Variants in COL14A1 observed in about 807,000 individuals in gnomAD.
COL14A1 encodes collagen alpha-1(XIV) chain.
COL14A1 carries 136 observed loss-of-function variants against 230.3 expected under a neutral mutation model. The ratio of observed to expected loss-of-function variants is 0.59; its 90% confidence interval spans 0.51 to 0.68. The LOEUF (loss-of-function observed/expected upper bound fraction) is 0.68. Ranked by LOEUF, COL14A1 falls within the 30% of genes least tolerant of loss-of-function variation. The pLI, the probability that COL14A1 is intolerant of heterozygous loss-of-function variation, is 0.00. For synonymous variants in COL14A1, 792 were observed against 784.1 expected, an observed-to-expected ratio of 1.01 and a Z score of -0.17; for missense variants, 1,976 against 2,215.8, an observed-to-expected ratio of 0.89 and a Z score of 2.17.
chr8:120,307,620 A>G (rs553084909), intron 36 of COL14A1, among the ~76,000 whole-genome samples: 61 of 152,352 alleles, frequency 4.0e-4, no homozygotes, highest in African/African-American at 1.3e-3. Flanking sequence ...ATATAAATAG[A>G]CAGTCACAGT....
intron 42 of COL14A1, among the ~76,000 whole-genome samples, chr8:120,334,356 C>T (rs966531485): frequency 4.0e-5 from 6 of 148,160 alleles, no homozygotes; most frequent in African/African-American, 1.5e-4. Context: ...CTTTATACAG[C>T]TGTATCTTTA....
At chr8:120,369,584 G>A in intron 47 of COL14A1, 99 bp downstream of exon 47, 1 of 1,177,924 alleles carries the variant, frequency 8.5e-7, no homozygotes, top group East Asian at 2.8e-5. Context: ...AGTTAAATTG[G>A]TTATGAATGG....
At chr8:120,347,789 G>A (rs1354868628) in intron 45 of COL14A1, among the ~76,000 whole-genome samples, 1 of 152,256 alleles carries the variant, frequency 6.6e-6, no homozygotes, top group Non-Finnish European at 1.5e-5. Context: ...TTTTTCTGCT[G>A]TATAAAATAT....
chr8:120,250,744 CCT>C lies in COL14A1; in HGVS notation c.2731_2732del (p.Leu911AspfsTer20). The C allele has an allele frequency of 6.2e-7, 1 of 1,614,172 alleles. No individual in the cohort carries two copies. Among genetic ancestry groups the C allele is most frequent in the Non-Finnish European group, 8.5e-7 (1 of 1,180,034 alleles). ...CCCAGGCCTCAGGCTTCAGCGACGC[CCT>C]GACAGGCATGGTGAAAACATGTAAG... is the stretch of plus-strand genomic sequence containing the variant. ...ASQASGFSDA[L>X]TGMVKTLFLG... On this transcript the variant is annotated frameshift_variant, in exon 22 of 48. Coordinates refer to ENST00000297848, the MANE Select transcript of COL14A1 (RefSeq NM_021110.4). LOFTEE classifies it high-confidence loss of function.
intron 36 of COL14A1, 131 bp from the exon 37 acceptor site, chr8:120,309,878 G>A (rs1177156727): frequency 1.5e-6 from 1 of 677,406 alleles, no homozygotes; most frequent in Non-Finnish European, 2.3e-6. Flanking sequence ...CATGATGAAT[G>A]TATACTATTA....
Position 120,281,072 on chromosome 8 carries a change from T to G in COL14A1, c.3824+13T>G. 4 of 1,595,474 alleles carry G rather than the reference T, an allele frequency of 2.5e-6. No homozygotes were observed. The highest frequency in any genetic ancestry group is 3.4e-6 in the Non-Finnish European group (4 of 1,174,144). ...CCCAGCCAACCAGGTATGTTTCTGT[T>G]GAAAGATTTTAAAGTCATCGTATGT... On this transcript the variant is annotated intron_variant, in intron 31 of 47. Transcript: ENST00000297848.
intron 1 of COL14A1, among the ~76,000 whole-genome samples, chr8:120,145,302 C>G (rs770174797): frequency 1.3e-5 from 2 of 152,016 alleles, no homozygotes; most frequent in Non-Finnish European, 2.9e-5. Flanking sequence ...GCATTGTGTA[C>G]CTATATTAGA....
chr8:120,205,836 T>C (rs1586764828), intron 9 of COL14A1, among the ~76,000 whole-genome samples: 1 of 152,322 alleles, frequency 6.6e-6, no homozygotes, highest in South Asian at 2.1e-4. Context: ...AAAATTGAGA[T>C]TATTAAAGTC....
At chr8:120,302,449 T>C (rs1391052807) in intron 36 of COL14A1, among the ~76,000 whole-genome samples, 2 of 152,240 alleles carry the variant, frequency 1.3e-5, no homozygotes, top group Non-Finnish European at 2.9e-5. Context: ...AGTTTCAATC[T>C]TCTGCATATG....
intron 46 of COL14A1, 110 bp from the exon 47 acceptor site, chr8:120,369,220 A>AG: frequency 1.8e-6 from 2 of 1,126,872 alleles, no homozygotes; most frequent in South Asian, 2.1e-5. Context: ...AGGTTGTCCT[A>AG]ATTGTCCTAA....
intron 5 of COL14A1, among the ~76,000 whole-genome samples, chr8:120,168,662 C>T (rs1416008817): frequency 6.6e-6 from 1 of 152,164 alleles, no homozygotes; most frequent in Non-Finnish European, 1.5e-5. Context: ...TCTCTATTTC[C>T]TTATCTGCAA....
chr8:120,266,828 A>G lies in COL14A1; in HGVS notation c.3018A>G (p.Gln1006=), dbSNP rs756467894. 2.5e-6 allele frequency: 4 copies of G among 1,611,384 alleles called. No homozygotes were observed. The highest frequency in any genetic ancestry group is 1.7e-5 in the Admixed American group (1 of 59,894). The change falls in exon 25 of 48, where the codon CAA becomes CAG. Residue 1006 remains glutamine, a splice_region_variant and synonymous_variant. Coordinates refer to ENST00000297848, the MANE Select transcript of COL14A1 (RefSeq NM_021110.4). ...GPSVSIMEKT[Q]SLPTRPPTFP... ...GTCCTTTCTCCCTTTCCTTTACAGA[A>G]TCACTTCCTACACGACCACCAACTT... is the stretch of plus-strand genomic sequence containing the variant.
chr8:120,333,006 A>T (rs1421733541), intron 42 of COL14A1, among the ~76,000 whole-genome samples: 1 of 152,244 alleles, frequency 6.6e-6, no homozygotes, highest in Non-Finnish European at 1.5e-5. Flanking sequence ...TATTTGGCTA[A>T]GCAAACTCAA....
At chr8:120,330,885 C>T (rs1329464325) in intron 40 of COL14A1, among the ~76,000 whole-genome samples, 2 of 152,088 alleles carry the variant, frequency 1.3e-5, no homozygotes, top group African/African-American at 4.8e-5. Context: ...GCAGGCAGAT[C>T]ACCTGAGGTT....
chr8:120,227,308 A>G lies in COL14A1; in HGVS notation c.2093A>G (p.Asp698Gly). ...EYEVSLLAVLDDGSESEVVTA... is the reference protein window; with the variant it reads ...EYEVSLLAVLGDGSESEVVTA... ...GAAGTTTCACTATTGGCCGTACTTGATGATGGAAGCGAGAGTGAGGTGGTG... is the reference window on the plus strand; with the variant it reads ...GAAGTTTCACTATTGGCCGTACTTGGTGATGGAAGCGAGAGTGAGGTGGTG... Residue 698 changes from aspartate (D) to glycine (G), a missense_variant, in exon 17 of 48, where the codon GAT becomes GGT. This residue lies in a region of COL14A1 where 1,791 missense variants were observed against 2,019.5 expected (regional missense o/e 0.89). Coordinates refer to ENST00000297848, the MANE Select transcript of COL14A1 (RefSeq NM_021110.4). The G allele has an allele frequency of 6.2e-7, 1 of 1,613,928 alleles. No individual in the cohort carries two copies. Among genetic ancestry groups the G allele is most frequent in the Non-Finnish European group, 8.5e-7 (1 of 1,179,988 alleles).
At chr8:120,360,835 G>GTGGTGCTAGGTGTCCAGACCCCTT (rs1823177813) in intron 45 of COL14A1, among the ~76,000 whole-genome samples, 1 of 152,092 alleles carries the variant, frequency 6.6e-6, no homozygotes, top group Non-Finnish European at 1.5e-5. Context: ...CTTTAGCTTC[G>GTGGTGCTAGGTGTCCAGACCCCTT]TGGTGCTAGG....
In COL14A1 at chr8:120,332,653, C is replaced by A. The variant is rs777422693; in HGVS notation, c.4714-11C>A. On this transcript the variant is annotated splice_polypyrimidine_tract_variant and intron_variant, in intron 41 of 47. Coordinates refer to ENST00000297848, the MANE Select transcript of COL14A1 (RefSeq NM_021110.4). Reference sequence around the variant, plus strand: ...TCCTGACTTTGTTCCATTTTCCTACCTCTCTTCTAGGGCATTCCTGGCACC... The same window carrying A: ...TCCTGACTTTGTTCCATTTTCCTACATCTCTTCTAGGGCATTCCTGGCACC... The A allele has an allele frequency of 1.2e-6, 2 of 1,607,812 alleles. No homozygotes were observed. The highest frequency in any genetic ancestry group is 3.4e-5 in the Admixed American group (2 of 59,222).
intron 1 of COL14A1, among the ~76,000 whole-genome samples, chr8:120,130,287 A>C (rs773583118): frequency 2.6e-5 from 4 of 152,232 alleles, no homozygotes; most frequent in Non-Finnish European, 5.9e-5. Context: ...GACCAGTAAC[A>C]GTTCATAGAC....
chr8:120,202,795 C>T (rs1817292701), intron 8 of COL14A1, among the ~76,000 whole-genome samples: 1 of 151,714 alleles, frequency 6.6e-6, no homozygotes, highest in Non-Finnish European at 1.5e-5. Flanking sequence ...ATTCTATTCC[C>T]TGCTGTATTC....
Sources: allele counts gnomAD v4.1 joint callset (sites outside exome capture counted in the v4.1 genomes callset), GRCh38; gene constraint gnomAD v4.1.1; regional missense constraint gnomAD v4.1.1; transcripts MANE v1.5; gene names NCBI Gene and HGNC (gene_info 2026-07-23, HGNC 2026-07-21).